Variants in TOP3A observed in about 807,000 individuals in gnomAD.
TOP3A encodes the protein DNA topoisomerase III alpha.
Under a neutral mutation model 111.3 loss-of-function variants are expected in TOP3A, and 64 were observed. The ratio of observed to expected loss-of-function variants is 0.57; its 90% CI spans 0.47 to 0.71. TOP3A has a LOEUF of 0.71. Among genes scored for constraint, TOP3A ranks in the 30% least tolerant of loss-of-function variants. The pLI is 0.00. For synonymous variants in TOP3A, 484 were observed against 485.1 expected (o/e 1.00, Z 0.03); for missense variants, 1,104 against 1,285.0 (o/e 0.86, Z 2.15).
Position 18,308,413 on chromosome 17 carries a change from C to T in TOP3A, c.252G>A (p.Met84Ile), listed in dbSNP as rs1297423630. 27 of 1,598,572 alleles carry T rather than the reference C, an allele frequency of 1.7e-5. No homozygotes were observed. Among genetic ancestry groups the T allele is most frequent in the Non-Finnish European group, 2.2e-5 (26 of 1,171,734 alleles). Reference sequence around the variant, plus strand: ...AATGTCCAGAAACTGAAGTCATTACCATGGTAACATTCTGAATGATGACAA... The same window carrying T: ...AATGTCCAGAAACTGAAGTCATTACTATGGTAACATTCTGAATGATGACAA... ...DYHLYGQNVT[M>I]VMTSVSGHLL... Residue 84 changes from methionine to isoleucine, a missense_variant, in exon 3 of 19, where the codon ATG becomes ATA. Transcript: ENST00000321105.
At chr17:18,312,226 G>A (rs1050426099) in intron 1 of TOP3A, 1 of 152,486 alleles carries the variant, frequency 6.6e-6, no homozygotes, top group African/African-American at 2.4e-5. Flanking sequence ...CAAGGGATGA[G>A]ATCGAAACCG....
intron 7 of TOP3A, 87 bp from the exon 8 acceptor site, chr17:18,302,072 G>A: frequency 7.0e-7 from 1 of 1,436,224 alleles, no homozygotes; most frequent in South Asian, 1.2e-5. Flanking sequence ...TGTGGTGAAA[G>A]TCAAACGAAT....
intron 1 of TOP3A, chr17:18,312,372 G>A (rs959256416): frequency 3.3e-5 from 5 of 152,602 alleles, no homozygotes; most frequent in African/African-American, 7.2e-5. Flanking sequence ...GGATCCCATT[G>A]AGCTGGTTGT....
In TOP3A at chr17:18,302,710, C is replaced by CA; in HGVS notation, c.512dup (p.Gln172AlafsTer9). Reference sequence around the variant, plus strand: ...CAGAGAATCGGGCTCGCAACACCTGCAGATTGGGCTTTACTGCAGAACACA... The same window carrying CA: ...CAGAGAATCGGGCTCGCAACACCTGCAAGATTGGGCTTTACTGCAGAACACA... On this transcript the variant is annotated frameshift_variant, in exon 6 of 19. Transcript: ENST00000321105. LOFTEE classifies it high-confidence loss of function. 1 of 1,613,910 alleles carries CA rather than the reference C, an allele frequency of 6.2e-7. No homozygotes were observed. The highest frequency in any genetic ancestry group is 8.5e-7 in the Non-Finnish European group (1 of 1,179,814).
intron 4 of TOP3A, 72 bp from the exon 5 acceptor site, chr17:18,305,292 G>C: frequency 7.8e-7 from 1 of 1,282,108 alleles, no homozygotes; most frequent in Non-Finnish European, 1.1e-6. Context: ...TCTAAGCTAA[G>C]GGGATCTGAC....
In TOP3A at chr17:18,278,367, C is replaced by A; in HGVS notation, c.2145-10G>T. The stretch of plus-strand genomic sequence containing the variant: ...AAACTTTAACTTTAACCTAGTGAGG[C>A]CAGAAGATGAGAAAAAACATTAACA... On this transcript the variant is annotated splice_polypyrimidine_tract_variant and intron_variant, in intron 17 of 18. Coordinates refer to ENST00000321105, the MANE Select transcript of TOP3A (RefSeq NM_004618.5). 6.6e-7 allele frequency: 1 copy of A among 1,507,692 alleles called. No individual in the cohort carries two copies. The highest frequency in any genetic ancestry group is 8.9e-7 in the Non-Finnish European group (1 of 1,129,082). The allele number at this position is 1,507,692 out of a possible 1,614,324, so 93.4% of individuals were successfully genotyped here.
In TOP3A at chr17:18,314,716, A is replaced by G; in HGVS notation, c.63T>C (p.Phe21=). 6.2e-7 allele frequency: 1 copy of G among 1,604,028 alleles called. No individual in the cohort carries two copies. Among genetic ancestry groups the G allele is most frequent in the African/African-American group, 1.3e-5 (1 of 74,694 alleles). The change falls in exon 1 of 19, where the codon TTT becomes TTC. Residue 21 remains phenylalanine (F), a synonymous_variant. Coordinates refer to ENST00000321105, the MANE Select transcript of TOP3A (RefSeq NM_004618.5). ...GGGCCATCTCCATGGCGGCGCGGGA[A>G]AAGGCACGGTCTTCGGGCCGTCGCA... ...RWLRRPEDRA[F]SRAAMEMALR... is the part of the protein sequence containing the mutation.
intron 18 of TOP3A, among the ~76,000 whole-genome samples, chr17:18,275,277 G>C (rs536395533): frequency 1.8e-5 from 2 of 112,962 alleles, no homozygotes; most frequent in African/African-American, 3.4e-5. Context: ...CTGGGCAACA[G>C]AGCAAGACCC....
intron 15 of TOP3A, among the ~76,000 whole-genome samples, chr17:18,284,704 T>C (rs1979980480): frequency 6.6e-6 from 1 of 152,002 alleles, no homozygotes; most frequent in African/African-American, 2.4e-5. Flanking sequence ...TGGATCACAC[T>C]CCAGCACTTG....
intron 13 of TOP3A, among the ~76,000 whole-genome samples, chr17:18,289,739 AT>A (rs1980351004): frequency 6.6e-6 from 1 of 152,148 alleles, no homozygotes; most frequent in Non-Finnish European, 1.5e-5. Flanking sequence ...ACCTCTACTA[AT>A]TTTACCTAAA....
At chr17:18,305,789 G>C (rs1981544640) in intron 4 of TOP3A, among the ~76,000 whole-genome samples, 1 of 152,154 alleles carries the variant, frequency 6.6e-6, no homozygotes, top group South Asian at 2.1e-4. Flanking sequence ...AGTGAGTCGA[G>C]ATCGCACCAC....
At chr17:18,279,941 A>T (rs2142938267) in intron 17 of TOP3A, among the ~76,000 whole-genome samples, 1 of 152,208 alleles carries the variant, frequency 6.6e-6, no homozygotes, top group South Asian at 2.1e-4. Flanking sequence ...ACTTGGGGCC[A>T]GGAGTTCGAG....
At chr17:18,305,066 A>G (rs1981469853) in intron 5 of TOP3A, 46 bp downstream of exon 5, 2 of 1,489,692 alleles carry the variant, frequency 1.3e-6, no homozygotes, top group Non-Finnish European at 9.4e-7. Flanking sequence ...CACTCTATTT[A>G]TGGAGTTCCA....
chr17:18,300,169 G>A (rs887871891), intron 8 of TOP3A, among the ~76,000 whole-genome samples: 3 of 91,180 alleles, frequency 3.3e-5, no homozygotes, highest in Non-Finnish European at 6.4e-5. Context: ...AGGCCGAGGC[G>A]GGCGGATTAC....
chr17:18,293,041 G>C (rs75806929), intron 10 of TOP3A, among the ~76,000 whole-genome samples, 189 bp from the exon 11 acceptor site: 82 of 152,350 alleles, frequency 5.4e-4, no homozygotes, highest in East Asian at 1.5e-3. Context: ...ATGAAAAGCA[G>C]CTGGCTCTCC....
In TOP3A at chr17:18,302,695, G is replaced by A; in HGVS notation, c.528C>T (p.Ala176=). Residue 176 remains alanine (A), a synonymous_variant, in exon 6 of 19, where the codon GCC becomes GCT. Transcript: ENST00000321105. The part of the protein sequence containing the change: ...AVKPNLQVLR[A]RFSEITPHAV... ...CATGGGGTGTGATCTCAGAGAATCGGGCTCGCAACACCTGCAGATTGGGCT... is the reference window on the plus strand; with the variant it reads ...CATGGGGTGTGATCTCAGAGAATCGAGCTCGCAACACCTGCAGATTGGGCT... 1.2e-6 allele frequency: 2 copies of A among 1,614,046 alleles called. No homozygotes were observed. Among genetic ancestry groups the A allele is most frequent in the Non-Finnish European group, 1.7e-6 (2 of 1,179,952 alleles).
chr17:18,308,456 G>A, intron 2 of TOP3A, 32 bp from the exon 3 acceptor site: 1 of 1,477,328 alleles, frequency 6.8e-7, no homozygotes, highest in Non-Finnish European at 9.4e-7. Flanking sequence ...AATTCAGTTA[G>A]TCTTTTTGCA....
At chr17:18,302,115 G>T (rs1981268779) in intron 7 of TOP3A, 130 bp from the exon 8 acceptor site, 1 of 1,365,312 alleles carries the variant, frequency 7.3e-7, no homozygotes, top group East Asian at 2.4e-5. Context: ...GATAACAAAG[G>T]GAACTTTAAG....
intron 3 of TOP3A, chr17:18,307,691 C>CA (rs977974276): frequency 3.2e-4 from 48 of 152,236 alleles, no homozygotes; most frequent in African/African-American, 1.2e-3. Context: ...CAAAAGAAGG[C>CA]AAACCCTGCT....
Sources: gnomAD v4.1 joint callset for allele counts (sites outside exome capture counted in the v4.1 genomes callset) on GRCh38, gnomAD v4.1.1 for gene constraint, MANE v1.5 for transcripts, NCBI Gene and HGNC (gene_info 2026-07-23, HGNC 2026-07-21) for gene names.